The following RALA variants were observed in gnomAD, a reference collection of about 807,000 sequenced individuals.
RALA encodes the protein ras-related protein Ral-A.
RALA carries 5 observed loss-of-function variants against 24.0 expected under a neutral mutation model. The ratio of observed to expected loss-of-function variants is 0.21; its 90% CI spans 0.11 to 0.44. The LOEUF (loss-of-function observed/expected upper bound fraction) is 0.44, where lower values mean the gene tolerates loss of function less well. Ranked by LOEUF, RALA falls within the 20% of genes least tolerant of loss-of-function variation. RALA has a pLI of 0.99. For synonymous variants in RALA, 77 were observed against 83.8 expected, an observed-to-expected ratio of 0.92 and a Z score of 0.44; for missense variants, 95 against 241.2, an observed-to-expected ratio of 0.39 and a Z score of 4.01.
chr7:39,649,335 A>G (rs1009110866), intron 1 of RALA, among the ~76,000 whole-genome samples: 5 of 152,234 alleles, frequency 3.3e-5, no homozygotes, highest in Non-Finnish European at 4.4e-5. Context: ...TAGATGCTAT[A>G]CTGAGTATTA....
intron 1 of RALA, among the ~76,000 whole-genome samples, chr7:39,679,608 G>A (rs183074254): frequency 3.2e-4 from 49 of 152,276 alleles, no homozygotes; most frequent in African/African-American, 1.1e-3. Context: ...GTAGTGAGAA[G>A]TGCAGTATAG....
rs903247678 is a variant in RALA at position 39,640,347 on chromosome 7, T to G, written c.-38+16522T>G. 5.9e-5 allele frequency among the ~76,000 whole-genome samples: 9 copies of G among 152,364 alleles called. 1 individual carries two copies. The South Asian group carries it at 6.2e-4, about 11-fold the overall frequency. On this transcript the variant is annotated intron_variant, in intron 1 of 4. Coordinates refer to ENST00000005257, the MANE Select transcript of RALA (RefSeq NM_005402.4). ...CCACTGTACCCAGCGTGAAATGGTA[T>G]CTTACTGTGGTTTTCATTTGCATTT...
At chr7:39,705,801 A>G (rs560380089) in intron 4 of RALA, among the ~76,000 whole-genome samples, 2 of 152,076 alleles carry the variant, frequency 1.3e-5, no homozygotes, top group East Asian at 1.9e-4. Context: ...AATATAATCC[A>G]TTGAGTTCTA....
chr7:39,625,574 C>G (rs1340082284), intron 1 of RALA, among the ~76,000 whole-genome samples: 3 of 152,200 alleles, frequency 2.0e-5, no homozygotes, highest in Non-Finnish European at 4.4e-5. Context: ...GCATGATTTA[C>G]CAATAGCCTC....
At chr7:39,700,289 C>G (rs544019352) in intron 4 of RALA, 4 of 152,232 alleles carry the variant, frequency 2.6e-5, no homozygotes, top group Non-Finnish European at 4.4e-5. Flanking sequence ...CTCTGCTCTA[C>G]AGTGTCTGCT....
At chr7:39,689,079 C>T (rs571007017) in intron 2 of RALA, among the ~76,000 whole-genome samples, 29 of 152,250 alleles carry the variant, frequency 1.9e-4, no homozygotes, top group African/African-American at 7.0e-4. Context: ...GAAATCTGCC[C>T]CCATGATCCA....
Position 39,678,373 on chromosome 7 carries a change from T to C in RALA, c.-37-8258T>C, listed in dbSNP as rs114449076. 8.6e-3 allele frequency among the ~76,000 whole-genome samples: 1,304 copies of C among 152,208 alleles called. 13 individuals are homozygous for C. Among genetic ancestry groups the C allele is most frequent in the African/African-American group, 0.03 (1,235 of 41,520 alleles). On this transcript the variant is annotated intron_variant, in intron 1 of 4. Coordinates refer to ENST00000005257, the MANE Select transcript of RALA (RefSeq NM_005402.4). ...GGCAGGATTCCATAGCCTCAGCACC[T>C]AGCACAGTGCCTTACGTAGTAAGGT...
At chr7:39,695,630 C>G (rs1302409570) in intron 3 of RALA, among the ~76,000 whole-genome samples, 1 of 151,992 alleles carries the variant, frequency 6.6e-6, no homozygotes, top group Non-Finnish European at 1.5e-5. Flanking sequence ...TATTGAACTC[C>G]TAGCCTCAAG....
Position 39,686,778 on chromosome 7 carries a change from T to C in RALA, c.111T>C (p.Asp37=). The part of the protein sequence containing the change: ...KSALTLQFMY[D]EFVEDYEPTK... ...CTCTGACTCTACAGTTCATGTACGA[T>C]GAGGTAAGTGCTAATTTTATAATGG... The change falls in exon 2 of 5, where the codon GAT becomes GAC. Residue 37 remains aspartate (D), a synonymous_variant. Coordinates refer to ENST00000005257, the MANE Select transcript of RALA (RefSeq NM_005402.4). 6.2e-7 allele frequency: 1 copy of C among 1,606,840 alleles called. No homozygotes were observed. Among genetic ancestry groups the C allele is most frequent in the South Asian group, 1.1e-5 (1 of 90,868 alleles).
chr7:39,688,558 G>C (rs188140623), intron 2 of RALA, among the ~76,000 whole-genome samples: 1 of 149,974 alleles, frequency 6.7e-6, no homozygotes, highest in Non-Finnish European at 1.5e-5. Context: ...GAAGCCAAAA[G>C]TAAGAATATT....
chr7:39,705,436 G>A (rs919267371), intron 4 of RALA, among the ~76,000 whole-genome samples: 1 of 152,192 alleles, frequency 6.6e-6, no homozygotes, highest in African/African-American at 2.4e-5. Context: ...GTGTGAGTGT[G>A]TAGCCTTCCA....
chr7:39,648,553 T>A (rs13224312), intron 1 of RALA, among the ~76,000 whole-genome samples: 12 of 151,936 alleles, frequency 7.9e-5, no homozygotes, highest in African/African-American at 2.7e-4. Flanking sequence ...ATGGATCTTA[T>A]GTTCTGCAGA....
rs891183706 is a variant in RALA at position 39,623,613 on chromosome 7, C to G, written c.-250C>G. On this transcript the variant is annotated 5_prime_UTR_variant, in exon 1 of 5. Coordinates refer to ENST00000005257, the MANE Select transcript of RALA (RefSeq NM_005402.4). The surrounding 1 kb of genome is among the most constrained non-coding windows in gnomAD (Gnocchi z 4.9). ...AGCCGCCAGGAGGAGGGTGGATCTC[C>G]CCAGAGCAAAGCGTCGGAGTCCTCC... The G allele has an allele frequency of 6.5e-5, 10 of 153,508 alleles. No individual in the cohort carries two copies. Among genetic ancestry groups the G allele is most frequent in the African/African-American group, 2.4e-4 (10 of 41,420 alleles). The allele number at this position is 153,508 out of a possible 1,614,324, so 9.5% of individuals were successfully genotyped here.
At chr7:39,644,391 C>T (rs1791890554) in intron 1 of RALA, among the ~76,000 whole-genome samples, 1 of 152,060 alleles carries the variant, frequency 6.6e-6, no homozygotes, top group Non-Finnish European at 1.5e-5. Flanking sequence ...CTTGACTTCC[C>T]TTCGTGTCTT....
rs76047895 is a variant in RALA at position 39,655,901 on chromosome 7, G to T, written c.-37-30730G>T. Among the ~76,000 whole-genome samples the T allele has an allele frequency of 4.6e-5, 7 of 152,244 alleles. No homozygotes were observed. In the East Asian group the frequency reaches 9.6e-4, roughly 21 times the overall value. On this transcript the variant is annotated intron_variant, in intron 1 of 4. Transcript: ENST00000005257. ...GGGAGAGGAGTAAAAAAAGAAATGC[G>T]CAGGGGCAGAATTAAGGAATTTAGA...
intron 1 of RALA, among the ~76,000 whole-genome samples, chr7:39,658,468 T>C (rs984487121): frequency 6.6e-6 from 1 of 152,146 alleles, no homozygotes; most frequent in Non-Finnish European, 1.5e-5. Flanking sequence ...ACTGCTGTTT[T>C]TGTATGTATA....
chr7:39,676,024 G>A (rs1792481609), intron 1 of RALA, among the ~76,000 whole-genome samples: 1 of 152,076 alleles, frequency 6.6e-6, no homozygotes, highest in Admixed American at 6.5e-5. Context: ...CACCCAAGTT[G>A]GAATGCACTG....
chr7:39,628,358 C>G (rs1279304668), intron 1 of RALA, among the ~76,000 whole-genome samples: 1 of 147,418 alleles, frequency 6.8e-6, no homozygotes, highest in Non-Finnish European at 1.5e-5. Context: ...TGACAGCAGT[C>G]CACAGTAACC....
intron 1 of RALA, among the ~76,000 whole-genome samples, chr7:39,665,091 C>A (rs1317772246): frequency 6.6e-6 from 1 of 152,114 alleles, no homozygotes; most frequent in African/African-American, 2.4e-5. Flanking sequence ...GCAAAAAAGT[C>A]TAATTACAAT....
Sources: allele counts gnomAD v4.1 joint callset (sites outside exome capture counted in the v4.1 genomes callset), GRCh38; gene constraint gnomAD v4.1.1; non-coding constraint Gnocchi (gnomAD v3.1); transcripts MANE v1.5; gene names NCBI Gene and HGNC (gene_info 2026-07-23, HGNC 2026-07-21).